The following KY variants were observed in gnomAD, a reference collection of about 807,000 sequenced individuals.
The protein encoded by KY is kyphoscoliosis peptidase.
In KY, 43 loss-of-function variants were observed where a neutral mutation model predicts 76.1. The ratio of observed to expected loss-of-function variants is 0.57; its 90% CI spans 0.44 to 0.73. The LOEUF is 0.73. KY is among the 30% of genes least tolerant of loss of function. The pLI, the probability that KY is intolerant of heterozygous loss-of-function variation, is 0.00. For missense variants in KY, 722 were observed against 828.9 expected, an observed-to-expected ratio of 0.87 and a Z score of 1.58; for synonymous variants, 277 against 326.2, an observed-to-expected ratio of 0.85 and a Z score of 1.63.
rs4435682 is a variant in KY at position 134,625,340 on chromosome 3, C to T, written c.401-205G>A. On this transcript the variant is annotated intron_variant, in intron 5 of 10. Transcript: ENST00000423778. ...TTAGTTTGGGAACCATGGCAACTCC[C>T]ATAGTCCTCTTAGAGGCCTACAGGG... Among the ~76,000 whole-genome samples, 50,155 of 152,180 alleles carry T rather than the reference C, an allele frequency of 0.33. 8,622 individuals are homozygous for T. Among genetic ancestry groups the T allele is most frequent in the African/African-American group, 0.37 (15,535 of 41,514 alleles).
intron 10 of KY, among the ~76,000 whole-genome samples, chr3:134,606,544 C>T (rs1959217007): frequency 6.6e-6 from 1 of 152,212 alleles, no homozygotes; most frequent in Non-Finnish European, 1.5e-5. Context: ...AGCTTCTCTC[C>T]TAGCCCTGGC....
chr3:134,608,662 G>A lies in KY; in HGVS notation c.1077C>T (p.Ser359=), dbSNP rs1959709161. 1.2e-6 allele frequency: 2 copies of A among 1,614,028 alleles called. No individual in the cohort carries two copies. The highest frequency in any genetic ancestry group is 1.7e-5 in the Admixed American group (1 of 60,028). The part of the protein sequence containing the change: ...KGMLSAHPET[S]MIRTVNGKAT... ...CTCCGGGCTCACCTGTTCTGATCAT[G>A]GAAGTCTCTGGGTGGGCACTCAGCA... Residue 359 remains serine (S), a synonymous_variant, in exon 10 of 11, where the codon TCC becomes TCT. Coordinates refer to ENST00000423778, the MANE Select transcript of KY (RefSeq NM_178554.6).
intron 4 of KY, among the ~76,000 whole-genome samples, chr3:134,629,099 T>C (rs1268770384): frequency 6.6e-6 from 1 of 152,186 alleles, no homozygotes; most frequent in Non-Finnish European, 1.5e-5. Flanking sequence ...CCTGGGCCTA[T>C]GTGCACTGCA....
intron 3 of KY, among the ~76,000 whole-genome samples, chr3:134,638,036 G>A (rs1299593999): frequency 6.6e-6 from 1 of 152,138 alleles, no homozygotes; most frequent in African/African-American, 2.4e-5. Flanking sequence ...CTCCCCCAAA[G>A]CTGTGCTGCT....
rs1966872068 is a variant in KY at position 134,650,831 on chromosome 3, C to A, written c.130G>T (p.Gly44Ter). 1 of 1,594,432 alleles carries A rather than the reference C, an allele frequency of 6.3e-7. No individual in the cohort carries two copies. The highest frequency in any genetic ancestry group is 8.6e-7 in the Non-Finnish European group (1 of 1,168,596). ...QANPSSLLQR[G>*]GGFQGVGNGV... is the part of the protein sequence containing the mutation. Reference sequence around the variant, plus strand: ...CGGGTCGGGCGCGCGTTACCTCCTCCGCGCTGCAGCAGCGAGCTCGGGTTC... The same window carrying A: ...CGGGTCGGGCGCGCGTTACCTCCTCAGCGCTGCAGCAGCGAGCTCGGGTTC... The change falls in exon 1 of 11, where the codon GGA (glycine) becomes TGA (stop). Residue 44 changes from glycine (G) to a stop codon, truncating the protein, a stop_gained. Coordinates refer to ENST00000423778, the MANE Select transcript of KY (RefSeq NM_178554.6). LOFTEE classifies it high-confidence loss of function.
At chr3:134,604,762 A>T (rs1577570662) in intron 10 of KY, among the ~76,000 whole-genome samples, 1 of 152,242 alleles carries the variant, frequency 6.6e-6, no homozygotes, top group Admixed American at 6.5e-5. Flanking sequence ...ATTTATCCCA[A>T]GCTGTATGTG....
In KY at chr3:134,601,982, C is replaced by T. The variant is rs926066126; in HGVS notation, c.*1597G>A. On this transcript the variant is annotated 3_prime_UTR_variant, in exon 11 of 11. Coordinates refer to ENST00000423778, the MANE Select transcript of KY (RefSeq NM_178554.6). ...ACCTCTGTAGCCCAAGCATCTGGTA[C>T]TTCTGTGAGCATTTGTTGGATACAG... Among the ~76,000 whole-genome samples the T allele has an allele frequency of 0.058, 146 of 2,536 alleles. No individual in the cohort carries two copies. The highest frequency in any genetic ancestry group is 0.12 in the African/African-American group (143 of 1,182). 1.7% of individuals were successfully genotyped at this position (2,536 alleles called of 152,430 possible).
rs1201272311 is a variant in KY at position 134,627,810 on chromosome 3, C to A, written c.346G>T (p.Gly116Cys). The change falls in exon 5 of 11, where the codon GGT becomes TGT. Residue 116 changes from glycine to cysteine, a missense_variant. By Grantham distance (159) the Gly-to-Cys change is radical. This residue lies in a region of KY where 170 missense variants were observed against 148.1 expected (regional missense o/e 1.15). Coordinates refer to ENST00000423778, the MANE Select transcript of KY (RefSeq NM_178554.6). ...KKFSLAKRLQ[G>C]DKNGNTRPRQ... Reference sequence around the variant, plus strand: ...GGTCTTGTGTTTCCATTTTTATCACCTTGTAAACCTACAATATTCCAAAGA... The same window carrying A: ...GGTCTTGTGTTTCCATTTTTATCACATTGTAAACCTACAATATTCCAAAGA... 2.5e-6 allele frequency: 4 copies of A among 1,612,808 alleles called. No homozygotes were observed. In the African/African-American group the frequency reaches 5.3e-5, roughly 22 times the overall value.
Position 134,603,926 on chromosome 3 carries a change from T to C in KY, c.1639A>G (p.Asn547Asp). The change falls in exon 11 of 11, where the codon AAC becomes GAC. Residue 547 changes from asparagine (N) to aspartate (D), a missense_variant. By Grantham distance (23) the Asn-to-Asp change is conservative. Around this residue, in one of 2 missense-constraint regions of KY, gnomAD observed 552 missense variants for 680.9 expected, o/e 0.81. Coordinates refer to ENST00000423778, the MANE Select transcript of KY (RefSeq NM_178554.6). ...AGGTAATTAAAGACGAAGATGTAGT[T>C]TCCTGGTTCCTGCCTCTTCTTGACA... ...IFVKKRQEPG[N>D]YIFVFNYLVC... is the part of the protein sequence containing the mutation. 1 of 1,614,002 alleles carries C rather than the reference T, an allele frequency of 6.2e-7. No individual in the cohort carries two copies. The highest frequency in any genetic ancestry group is 8.5e-7 in the Non-Finnish European group (1 of 1,179,872).
chr3:134,616,216 C>G (rs1449276021), intron 8 of KY, among the ~76,000 whole-genome samples: 3 of 152,178 alleles, frequency 2.0e-5, no homozygotes. Flanking sequence ...CAAGCTATAG[C>G]ATTAACCAAA....
chr3:134,620,663 A>C (rs1962448134), intron 7 of KY, 86 bp downstream of exon 7: 23 of 854,102 alleles, frequency 2.7e-5, no homozygotes, highest in Non-Finnish European at 3.5e-5. Context: ...GTCACTCTGC[A>C]CACGTGAATA....
intron 2 of KY, among the ~76,000 whole-genome samples, chr3:134,644,860 T>C (rs1196480153): frequency 1.3e-5 from 2 of 152,220 alleles, no homozygotes; most frequent in Admixed American, 6.5e-5. Flanking sequence ...GCTAGGTCCC[T>C]GAGCCCCACA....
At chr3:134,641,004 AC>A (rs1015670379) in intron 3 of KY, among the ~76,000 whole-genome samples, 5 of 151,836 alleles carry the variant, frequency 3.3e-5, no homozygotes, top group Non-Finnish European at 7.4e-5. Flanking sequence ...CTCTTCTGCT[AC>A]CCCCACCTTG....
intron 3 of KY, among the ~76,000 whole-genome samples, chr3:134,636,681 T>C (rs755913774): frequency 2.0e-5 from 3 of 152,210 alleles, no homozygotes; most frequent in African/African-American, 4.8e-5. Flanking sequence ...AACCTGCAGA[T>C]TGGTGAGCTC....
At chr3:134,628,094 T>A (rs1963707759) in intron 4 of KY, 1 of 464,792 alleles carries the variant, frequency 2.2e-6, no homozygotes, top group Non-Finnish European at 3.9e-6. Context: ...GACCTAACAC[T>A]TTGGGTGATT....
intron 8 of KY, among the ~76,000 whole-genome samples, chr3:134,612,515 G>A (rs1324668775): frequency 6.6e-6 from 1 of 152,170 alleles, no homozygotes. Flanking sequence ...TGTGTTTATA[G>A]TCTGAGAGGA....
rs773679197 is a variant in KY at position 134,627,775 on chromosome 3, A to G, written c.381T>C (p.Pro127=). ...DKNGNTRPRQ[P]GGKDAHAYPW... is the part of the protein sequence containing the mutation. ...ACTTACCATGGGCATCTTTCCCTCC[A>G]GGTTGCCGGGGTCTTGTGTTTCCAT... Residue 127 remains proline (P), a synonymous_variant, in exon 5 of 11, where the codon CCT becomes CCC. Transcript: ENST00000423778. The G allele has an allele frequency of 6.2e-7, 1 of 1,613,914 alleles. No individual in the cohort carries two copies. Among genetic ancestry groups the G allele is most frequent in the Non-Finnish European group, 8.5e-7 (1 of 1,179,786 alleles).
intron 1 of KY, among the ~76,000 whole-genome samples, chr3:134,648,456 T>G (rs1577850716): frequency 6.6e-6 from 1 of 152,156 alleles, no homozygotes; most frequent in East Asian, 1.9e-4. Flanking sequence ...ACCTAAGACT[T>G]CAAAGCTCAT....
At chr3:134,624,058 G>A (rs1963082516) in intron 6 of KY, among the ~76,000 whole-genome samples, 1 of 152,130 alleles carries the variant, frequency 6.6e-6, no homozygotes, top group Non-Finnish European at 1.5e-5. Flanking sequence ...AGACACTAGA[G>A]CCCCTCATAT....
Sources: gnomAD v4.1 joint callset for allele counts (sites outside exome capture counted in the v4.1 genomes callset) on GRCh38, gnomAD v4.1.1 for gene constraint, gnomAD v4.1.1 regional missense constraint, MANE v1.5 for transcripts, NCBI Gene and HGNC (gene_info 2026-07-23, HGNC 2026-07-21) for gene names.